The following RFX8 variants were observed in gnomAD, a reference collection of about 807,000 sequenced individuals.
The protein encoded by RFX8 is regulatory factor X8.
RFX8 carries 46 observed loss-of-function variants against 54.6 expected under a neutral mutation model. The observed-to-expected ratio is 0.84, with a 90% CI of 0.67 to 1.08. The LOEUF (loss-of-function observed/expected upper bound fraction) is 1.08, where lower values mean the gene tolerates loss of function less well. Among genes scored for constraint, RFX8 ranks in the 50% least tolerant of loss-of-function variants. The pLI is 0.00. For synonymous variants in RFX8, 192 were observed against 209.5 expected (o/e 0.92, Z 0.72); for missense variants, 536 against 562.3 (o/e 0.95, Z 0.47).
intron 11 of RFX8, among the ~76,000 whole-genome samples, chr2:101,401,602 A>G (rs1685449630): frequency 6.6e-6 from 1 of 152,212 alleles, no homozygotes; most frequent in African/African-American, 2.4e-5. Context: ...AATTAGCCCT[A>G]AGACAATCGC....
intron 2 of RFX8, among the ~76,000 whole-genome samples, chr2:101,441,766 C>G (rs11123881): frequency 0.76 from 115,685 of 152,096 alleles, 44,906 homozygotes; most frequent in Middle Eastern, 0.89. Context: ...CATCCATTTA[C>G]TTTCAACCTG....
chr2:101,448,720 T>A (rs967466510), intron 2 of RFX8, among the ~76,000 whole-genome samples: 7 of 152,230 alleles, frequency 4.6e-5, no homozygotes, highest in African/African-American at 9.6e-5. Context: ...AGCTGCCTCA[T>A]ACATAGGATG....
intron 2 of RFX8, among the ~76,000 whole-genome samples, chr2:101,438,081 A>G (rs1687886219): frequency 1.3e-5 from 2 of 152,058 alleles, no homozygotes; most frequent in African/African-American, 4.8e-5. Flanking sequence ...TAGTAGGTGT[A>G]TATATTTATG....
At chr2:101,408,180 T>A (rs1685857787) in intron 9 of RFX8, among the ~76,000 whole-genome samples, 2 of 152,004 alleles carry the variant, frequency 1.3e-5, no homozygotes, top group Non-Finnish European at 2.9e-5. Context: ...TCTCAGTGGG[T>A]TCATCTGATT....
chr2:101,421,791 G>A lies in RFX8; in HGVS notation c.184-14C>T, dbSNP rs887784600. On this transcript the variant is annotated splice_polypyrimidine_tract_variant and intron_variant, in intron 3 of 11. Transcript: ENST00000428343. ...AAGGAAGGCCATCTAGGAAGAATAT[G>A]GAAAATTATTTCAGCATGTGGGCCT... The A allele has an allele frequency of 6.5e-7, 1 of 1,541,320 alleles. No individual in the cohort carries two copies. The highest frequency in any genetic ancestry group is 1.2e-5 in the South Asian group (1 of 82,764).
chr2:101,471,042 T>C (rs1689955891), intron 1 of RFX8, among the ~76,000 whole-genome samples: 1 of 146,166 alleles, frequency 6.8e-6, no homozygotes, highest in Admixed American at 6.8e-5. Context: ...TAAAGAAAAA[T>C]GTCATGAGCA....
At chr2:101,437,399 C>T (rs1361170719) in intron 2 of RFX8, among the ~76,000 whole-genome samples, 4 of 151,970 alleles carry the variant, frequency 2.6e-5, no homozygotes, top group African/African-American at 9.7e-5. Flanking sequence ...ACAACAAGAC[C>T]CTGTCTCTAC....
chr2:101,420,089 A>G (rs994933993), intron 4 of RFX8, among the ~76,000 whole-genome samples: 2 of 152,138 alleles, frequency 1.3e-5, no homozygotes, highest in Non-Finnish European at 2.9e-5. Flanking sequence ...AACTGTGACA[A>G]AACCTCCTCG....
intron 2 of RFX8, among the ~76,000 whole-genome samples, chr2:101,446,046 A>G (rs1688358621): frequency 3.0e-5 from 2 of 66,408 alleles, no homozygotes; most frequent in African/African-American, 8.1e-5. Flanking sequence ...TGTGCTTTCT[A>G]AAATACACTT....
In RFX8 at chr2:101,410,417, A is replaced by ACACACACT. The variant is rs1553451405; in HGVS notation, c.813+201_813+202insAGTGTGTG. ...CACACACACACACACACACACACAC[A>ACACACACT]CTTATGTGATGTGCTCCACCAGACC... is the stretch of plus-strand genomic sequence containing the variant. On this transcript the variant is annotated intron_variant, in intron 9 of 11. Coordinates refer to ENST00000428343, the MANE Select transcript of RFX8 (RefSeq NM_001145664.2). 6.1e-3 allele frequency among the ~76,000 whole-genome samples: 908 copies of ACACACACT among 147,902 alleles called. 10 individuals are homozygous for ACACACACT. The highest frequency in any genetic ancestry group is 0.011 in the African/African-American group (436 of 39,500).
Position 101,397,538 on chromosome 2 carries a change from A to G in RFX8, c.*10T>C. ...ATCAGTTTTCTTATTCTCTATTCAAATAAATAATCTCACACATTAGCATTG... is the reference window on the plus strand; with the variant it reads ...ATCAGTTTTCTTATTCTCTATTCAAGTAAATAATCTCACACATTAGCATTG... On this transcript the variant is annotated 3_prime_UTR_variant, in exon 12 of 12. Coordinates refer to ENST00000428343, the MANE Select transcript of RFX8 (RefSeq NM_001145664.2). The G allele has an allele frequency of 1.3e-6, 2 of 1,506,432 alleles. No homozygotes were observed. Among genetic ancestry groups the G allele is most frequent in the South Asian group, 2.6e-5 (2 of 77,400 alleles). 93.3% of individuals were successfully genotyped at this position (1,506,432 alleles called of 1,614,324 possible). A position where few individuals can be genotyped will look rare whatever the true frequency, so the allele number is the denominator to read the frequency against.
At chr2:101,408,069 T>A (rs1685848812) in intron 9 of RFX8, among the ~76,000 whole-genome samples, 1 of 152,208 alleles carries the variant, frequency 6.6e-6, no homozygotes, top group South Asian at 2.1e-4. Flanking sequence ...ATTTTTCTAA[T>A]TTGCCTCCTT....
chr2:101,402,455 T>G lies in RFX8; in HGVS notation c.1226A>C (p.Asp409Ala), dbSNP rs925627860. The change falls in exon 11 of 12, where the codon GAC (aspartate) becomes GCC (alanine). Residue 409 changes from aspartate (D) to alanine (A), a missense_variant. Coordinates refer to ENST00000428343, the MANE Select transcript of RFX8 (RefSeq NM_001145664.2). ...MVLRILGFLV[D>A]TAMGNKLIQV... is the part of the protein sequence containing the mutation. ...CCCTACCTTATTGCCCATGGCAGTG[T>G]CCACCAGGAAGCCCAGGATCCTGAG... is the stretch of plus-strand genomic sequence containing the variant. The G allele has an allele frequency of 6.5e-7, 1 of 1,549,360 alleles. No individual in the cohort carries two copies. The highest frequency in any genetic ancestry group is 8.7e-7 in the Non-Finnish European group (1 of 1,145,082).
At chr2:101,471,195 G>A (rs990401605) in intron 1 of RFX8, among the ~76,000 whole-genome samples, 8 of 151,906 alleles carry the variant, frequency 5.3e-5, no homozygotes, top group South Asian at 4.1e-4. Context: ...TTAGCTGGGC[G>A]CAGTGGTGCG....
At chr2:101,438,238 A>G (rs1432357031) in intron 2 of RFX8, among the ~76,000 whole-genome samples, 1 of 152,200 alleles carries the variant, frequency 6.6e-6, no homozygotes, top group East Asian at 1.9e-4. Context: ...ATTATTATTG[A>G]CTATCATCAG....
rs1558897048 is a variant in RFX8 at position 101,469,112 on chromosome 2, ATATATATATAAG to A, written c.-52-2224_-52-2213del. 1.6e-4 allele frequency among the ~76,000 whole-genome samples: 20 copies of A among 121,436 alleles called. 1 individual carries two copies. Among genetic ancestry groups the A allele is most frequent in the African/African-American group, 3.9e-4 (12 of 31,148 alleles). 79.7% of individuals were successfully genotyped at this position (121,436 alleles called of 152,430 possible). A position where few individuals can be genotyped will look rare whatever the true frequency, so the allele number is the denominator to read the frequency against. ...TATATAAGTATATATATATAAGTGTATATATATATAAGTATATATATATAAGTATATATATAT... is the reference window on the plus strand; with the variant it reads ...TATATAAGTATATATATATAAGTGTATATATATATATAAGTATATATATAT... On this transcript the variant is annotated intron_variant, in intron 1 of 11. Transcript: ENST00000428343.
At chr2:101,465,446 G>A (rs1392558854) in intron 2 of RFX8, among the ~76,000 whole-genome samples, 2 of 152,154 alleles carry the variant, frequency 1.3e-5, no homozygotes, top group African/African-American at 4.8e-5. Context: ...GGAGGCGGAG[G>A]TTGCAGTGAG....
chr2:101,422,563 AAT>A, intron 2 of RFX8, 91 bp from the exon 3 acceptor site: 2 of 743,572 alleles, frequency 2.7e-6, no homozygotes, highest in Non-Finnish European at 4.7e-6. Flanking sequence ...ACTATAAGTT[AAT>A]ATTGTGTATA....
intron 2 of RFX8, among the ~76,000 whole-genome samples, chr2:101,432,290 C>T (rs1687529478): frequency 6.6e-6 from 1 of 152,142 alleles, no homozygotes; most frequent in South Asian, 2.1e-4. Flanking sequence ...GAGGCAATAA[C>T]ATAGTTGGGC....
Sources: allele counts gnomAD v4.1 joint callset (sites outside exome capture counted in the v4.1 genomes callset), GRCh38; gene constraint gnomAD v4.1.1; transcripts MANE v1.5; gene names NCBI Gene and HGNC (gene_info 2026-07-23, HGNC 2026-07-21).